Variants in IMMP2L observed in about 807,000 individuals in gnomAD.
The protein encoded by IMMP2L is mitochondrial inner membrane protease subunit 2.
In IMMP2L, 18 loss-of-function variants were observed where a neutral mutation model predicts 19.3. The ratio of observed to expected loss-of-function variants is 0.93; its 90% CI spans 0.64 to 1.38. The LOEUF (loss-of-function observed/expected upper bound fraction) is 1.38. Among genes scored for constraint, IMMP2L ranks in the 40% most tolerant of loss-of-function variants. The pLI is 0.00. For synonymous variants in IMMP2L, 76 were observed against 73.0 expected, an observed-to-expected ratio of 1.04 and a Z score of -0.21; for missense variants, 233 against 218.2, an observed-to-expected ratio of 1.07 and a Z score of -0.43.
chr7:110,730,617 C>T (rs71572818), intron 5 of IMMP2L, among the ~76,000 whole-genome samples: 3 of 152,030 alleles, frequency 2.0e-5, no homozygotes, highest in Non-Finnish European at 4.4e-5. Context: ...CTCCGCCTCC[C>T]GGGTTCAGGC....
chr7:111,377,297 A>AT (rs1830762713), intron 3 of IMMP2L, among the ~76,000 whole-genome samples: 3 of 151,908 alleles, frequency 2.0e-5, no homozygotes, highest in Non-Finnish European at 4.4e-5. Flanking sequence ...ATATATAAAG[A>AT]AGGAAAACAT....
intron 5 of IMMP2L, among the ~76,000 whole-genome samples, chr7:110,682,857 G>A (rs751944930): frequency 2.0e-5 from 3 of 151,988 alleles, no homozygotes; most frequent in African/African-American, 7.2e-5. Context: ...GAGCACTAAG[G>A]GCAGATACCT....
At chr7:110,768,173 T>G (rs1798791194) in intron 5 of IMMP2L, among the ~76,000 whole-genome samples, 1 of 151,370 alleles carries the variant, frequency 6.6e-6, no homozygotes, top group Non-Finnish European at 1.5e-5. Flanking sequence ...GGGGAAGGCC[T>G]CCAGGAAGGG....
intron 4 of IMMP2L, among the ~76,000 whole-genome samples, chr7:110,959,648 A>G (rs1333192554): frequency 2.0e-5 from 3 of 151,966 alleles, no homozygotes; most frequent in Admixed American, 1.3e-4. Flanking sequence ...TGAATCAATT[A>G]TCAAATAGTT....
At chr7:111,163,337 C>A (rs1344196275) in intron 3 of IMMP2L, among the ~76,000 whole-genome samples, 1 of 152,086 alleles carries the variant, frequency 6.6e-6, no homozygotes, top group East Asian at 1.9e-4. Context: ...AGTCCCTGGC[C>A]TCTAAAAAGT....
intron 3 of IMMP2L, among the ~76,000 whole-genome samples, chr7:110,976,016 T>A (rs1201919051): frequency 1.3e-5 from 2 of 152,070 alleles, no homozygotes; most frequent in African/African-American, 2.4e-5. Flanking sequence ...TAGCAATGAT[T>A]ATCTAAATGT....
intron 3 of IMMP2L, among the ~76,000 whole-genome samples, chr7:111,052,359 A>G (rs868621237): frequency 3.3e-5 from 5 of 152,174 alleles, no homozygotes; most frequent in Non-Finnish European, 2.9e-5. Flanking sequence ...ATCTATTACT[A>G]TATAACAAGA....
chr7:110,875,208 T>C (rs1315660291), intron 5 of IMMP2L, among the ~76,000 whole-genome samples: 4 of 152,170 alleles, frequency 2.6e-5, no homozygotes, highest in African/African-American at 9.6e-5. Flanking sequence ...ACGTTTAAAA[T>C]AGCCTTCCTC....
chr7:111,475,986 A>C (rs1336585019), intron 3 of IMMP2L, among the ~76,000 whole-genome samples: 3 of 152,136 alleles, frequency 2.0e-5, no homozygotes, highest in African/African-American at 7.2e-5. Context: ...AAAACTATGC[A>C]ACATAGTTTT....
chr7:111,005,525 A>T (rs963021114), intron 3 of IMMP2L, among the ~76,000 whole-genome samples: 1 of 152,178 alleles, frequency 6.6e-6, no homozygotes, highest in Admixed American at 6.6e-5. Flanking sequence ...CTGTGTAACA[A>T]CTAGTCCAAC....
chr7:110,885,228 T>A (rs1265405120), intron 5 of IMMP2L, among the ~76,000 whole-genome samples: 1 of 152,038 alleles, frequency 6.6e-6, no homozygotes, highest in Non-Finnish European at 1.5e-5. Flanking sequence ...TGAGCATATC[T>A]AATCCCAAAA....
Position 110,836,624 on chromosome 7 carries a change from T to G in IMMP2L, c.408+49969A>C, listed in dbSNP as rs1804511151. 3.9e-5 allele frequency among the ~76,000 whole-genome samples: 6 copies of G among 152,096 alleles called. No individual in the cohort carries two copies. The South Asian group carries it at 1.2e-3, about 32-fold the overall frequency. On this transcript the variant is annotated intron_variant, in intron 5 of 5. Coordinates refer to ENST00000405709, the MANE Select transcript of IMMP2L (RefSeq NM_032549.4). ...GTAAATTGCCAGTCTTGGGTATGTC[T>G]TTATCAGCAGTGTGAAAACAGACTA...
chr7:111,482,912 C>G (rs776420841), intron 3 of IMMP2L, among the ~76,000 whole-genome samples: 1 of 151,820 alleles, frequency 6.6e-6, no homozygotes, highest in Non-Finnish European at 1.5e-5. Flanking sequence ...GCATAAAAGA[C>G]AAAGATCAAG....
intron 3 of IMMP2L, among the ~76,000 whole-genome samples, chr7:111,230,071 T>A (rs1813555155): frequency 1.3e-5 from 2 of 152,004 alleles, no homozygotes; most frequent in South Asian, 4.1e-4. Context: ...CCACAGAAGA[T>A]CTCTTCGGAT....
chr7:111,512,666 G>T (rs1281332721), intron 2 of IMMP2L, among the ~76,000 whole-genome samples: 3 of 151,870 alleles, frequency 2.0e-5, no homozygotes, highest in Non-Finnish European at 4.4e-5. Flanking sequence ...TCTTAAGCAA[G>T]AAGAACAAAG....
At chr7:110,774,132 T>C (rs1799226273) in intron 5 of IMMP2L, among the ~76,000 whole-genome samples, 1 of 152,070 alleles carries the variant, frequency 6.6e-6, no homozygotes. Flanking sequence ...TTTATAGTTT[T>C]ACCAAATTTA....
At chr7:111,387,481 C>T (rs1039762735) in intron 3 of IMMP2L, among the ~76,000 whole-genome samples, 1 of 152,080 alleles carries the variant, frequency 6.6e-6, no homozygotes, top group African/African-American at 2.4e-5. Context: ...TTAGCTATTG[C>T]TTATCAAGCT....
At chr7:110,826,400 T>C (rs1309624935) in intron 5 of IMMP2L, among the ~76,000 whole-genome samples, 5 of 152,250 alleles carry the variant, frequency 3.3e-5, no homozygotes, top group African/African-American at 9.6e-5. Flanking sequence ...ATGTTTGTTG[T>C]GGCACTATTC....
At chr7:110,719,719 G>C (rs1795452206) in intron 5 of IMMP2L, among the ~76,000 whole-genome samples, 2 of 152,140 alleles carry the variant, frequency 1.3e-5, no homozygotes, top group African/African-American at 2.4e-5. Flanking sequence ...AAATGACCTT[G>C]CTCTGTGATC....
Sources: allele counts gnomAD v4.1 joint callset (sites outside exome capture counted in the v4.1 genomes callset), GRCh38; gene constraint gnomAD v4.1.1; transcripts MANE v1.5; gene names NCBI Gene and HGNC (gene_info 2026-07-23, HGNC 2026-07-21).